Variants in CTPS1 observed in about 807,000 individuals in gnomAD.
CTPS1 encodes CTP synthase 1.
In CTPS1, 25 loss-of-function variants were observed where a neutral mutation model predicts 80.5. The observed-to-expected ratio is 0.31, with a 90% confidence interval of 0.23 to 0.43. The LOEUF (loss-of-function observed/expected upper bound fraction) is 0.43. Ranked by LOEUF, CTPS1 falls within the 20% of genes least tolerant of loss-of-function variation. CTPS1 has a pLI of 1.00. For missense variants in CTPS1, 442 were observed against 725.7 expected, an observed-to-expected ratio of 0.61 and a Z score of 4.49; for synonymous variants, 267 against 252.5, an observed-to-expected ratio of 1.06 and a Z score of -0.54.
rs748131892 is a variant in CTPS1 at position 40,984,895 on chromosome 1, C to G, written c.241C>G (p.Arg81Gly). ...TAACTATGAGCGGTTCCTTGACATC[C>G]GCCTCACCAAGGACAATAATCTGAC... ...LGNYERFLDI[R>G]LTKDNNLTTG... Residue 81 changes from arginine (R) to glycine (G), a missense_variant, in exon 3 of 19, where the codon CGC becomes GGC. By Grantham distance (125) the Arg-to-Gly change is moderately radical. This residue lies in a region of CTPS1 where 69 missense variants were observed against 102.1 expected (regional missense o/e 0.68). Coordinates refer to ENST00000650070, the MANE Select transcript of CTPS1 (RefSeq NM_001905.4). 2 of 1,605,170 alleles carry G rather than the reference C, an allele frequency of 1.2e-6. No homozygotes were observed. Among genetic ancestry groups the G allele is most frequent in the Non-Finnish European group, 8.5e-7 (1 of 1,174,572 alleles).
chr1:40,998,134 C>T (rs758605398), intron 9 of CTPS1, among the ~76,000 whole-genome samples: 15 of 152,150 alleles, frequency 9.9e-5, no homozygotes, highest in South Asian at 2.1e-4. Flanking sequence ...CGCGTTGGCT[C>T]ATGCCTGTAA....
intron 7 of CTPS1, 90 bp downstream of exon 7, chr1:40,991,935 C>G: frequency 1.0e-6 from 1 of 990,636 alleles, no homozygotes; most frequent in Non-Finnish European, 1.6e-6. Context: ...TTGTTATTTT[C>G]TAATTAGAGA....
chr1:40,987,558 C>T (rs1642487086), intron 4 of CTPS1, 86 bp downstream of exon 4: 3 of 973,318 alleles, frequency 3.1e-6, no homozygotes, highest in East Asian at 5.1e-5. Flanking sequence ...CCCAGTGGAG[C>T]CCTTGGCCTT....
In CTPS1 at chr1:40,984,921, C is replaced by T. The variant is rs747349849; in HGVS notation, c.267C>T (p.Thr89=). 2.5e-6 allele frequency: 4 copies of T among 1,606,852 alleles called. No individual in the cohort carries two copies. The African/African-American group carries it at 5.3e-5, about 21-fold the overall frequency. The change falls in exon 3 of 19, where the codon ACC becomes ACT. Residue 89 remains threonine, a synonymous_variant. Transcript: ENST00000650070. ...DIRLTKDNNL[T]TGKIYQYVIN... ...GCCTCACCAAGGACAATAATCTGAC[C>T]ACTGGAAAGATATACCAGTATGTCA...
At chr1:40,997,708 C>T (rs1398841362) in intron 9 of CTPS1, among the ~76,000 whole-genome samples, 182 bp downstream of exon 9, 1 of 152,280 alleles carries the variant, frequency 6.6e-6, no homozygotes, top group East Asian at 1.9e-4. Flanking sequence ...AGAGCATTTT[C>T]AGGAATTAAT....
At chr1:41,003,415 C>T (rs1191424372) in intron 12 of CTPS1, among the ~76,000 whole-genome samples, 1 of 152,144 alleles carries the variant, frequency 6.6e-6, no homozygotes, top group Non-Finnish European at 1.5e-5. Context: ...TGTTCCTGTT[C>T]TTGAGATTCT....
chr1:41,006,374 C>T (rs1643034998), intron 13 of CTPS1, among the ~76,000 whole-genome samples: 1 of 152,168 alleles, frequency 6.6e-6, no homozygotes, highest in African/African-American at 2.4e-5. Context: ...TCCCTACTCC[C>T]CTCAACTCCC....
chr1:40,998,102 G>C (rs1344535389), intron 9 of CTPS1, among the ~76,000 whole-genome samples: 2 of 152,164 alleles, frequency 1.3e-5, no homozygotes, highest in Non-Finnish European at 2.9e-5. Flanking sequence ...TCATGGTTAA[G>C]AGCATGGATG....
intron 17 of CTPS1, 129 bp from the exon 18 acceptor site, chr1:41,010,032 G>T (rs1643129874): frequency 1.6e-6 from 1 of 622,762 alleles, no homozygotes; most frequent in Admixed American, 2.9e-5. Flanking sequence ...AATATATTAT[G>T]TAGCAAACAG....
At chr1:41,010,998 T>G (rs1331292155) in intron 18 of CTPS1, among the ~76,000 whole-genome samples, 1 of 152,060 alleles carries the variant, frequency 6.6e-6, no homozygotes, top group Non-Finnish European at 1.5e-5. Flanking sequence ...GGGGTATGGG[T>G]GTGTGGTTCC....
chr1:40,997,014 A>T (rs548945443), intron 8 of CTPS1: 86 of 155,768 alleles, frequency 5.5e-4, no homozygotes, highest in East Asian at 2.4e-3. Context: ...CAAAAAAAAA[A>T]TTTTTCTTTA....
At chr1:40,984,402 G>A (rs762743841) in intron 2 of CTPS1, among the ~76,000 whole-genome samples, 4 of 152,194 alleles carry the variant, frequency 2.6e-5, no homozygotes, top group Non-Finnish European at 5.9e-5. Context: ...ATCAGCACAA[G>A]CTTAATATGC....
chr1:41,006,878 A>G (rs1344432511), intron 13 of CTPS1, among the ~76,000 whole-genome samples: 1 of 152,186 alleles, frequency 6.6e-6, no homozygotes, highest in Non-Finnish European at 1.5e-5. Context: ...TGCTGATACT[A>G]AGGCCTCAGG....
chr1:40,983,310 C>T lies in CTPS1; in HGVS notation c.20C>T (p.Thr7Ile). MKYILV[T>I]GGVISGIGKG... is the part of the protein sequence containing the mutation. ...AGTAAAATGAAGTACATTCTGGTTA[C>T]TGGTGGTGTTATATCAGGAATTGGA... The change falls in exon 2 of 19, where the codon ACT becomes ATT. Residue 7 changes from threonine (T) to isoleucine (I), a missense_variant. By Grantham distance (89) the Thr-to-Ile change is moderately conservative. Around this residue, in one of 4 missense-constraint regions of CTPS1, gnomAD observed 25 missense variants for 72.7 expected, o/e 0.34. Coordinates refer to ENST00000650070, the MANE Select transcript of CTPS1 (RefSeq NM_001905.4). 1.9e-6 allele frequency: 3 copies of T among 1,613,812 alleles called. No homozygotes were observed. The highest frequency in any genetic ancestry group is 2.5e-6 in the Non-Finnish European group (3 of 1,179,808).
At chr1:40,996,174 A>C in intron 8 of CTPS1, 106 bp downstream of exon 8, 1 of 1,231,394 alleles carries the variant, frequency 8.1e-7, no homozygotes, top group Non-Finnish European at 1.2e-6. Context: ...CACTTCTGCC[A>C]TCCACTCATT....
At chr1:40,997,358 T>A in intron 8 of CTPS1, 36 bp from the exon 9 acceptor site, 1 of 1,603,842 alleles carries the variant, frequency 6.2e-7, no homozygotes, top group South Asian at 1.1e-5. Context: ...GTGTACCTTC[T>A]GAGTAATTGG....
Position 40,984,875 on chromosome 1 carries a change from A to G in CTPS1, c.221A>G (p.Tyr74Cys), listed in dbSNP as rs751260098. Reference protein sequence around the residue: ...GGEVDLDLGNYERFLDIRLTK... With the variant: ...GGEVDLDLGNCERFLDIRLTK... ...GAAGTAGACCTTGACCTGGGTAACT[A>G]TGAGCGGTTCCTTGACATCCGCCTC... is the stretch of plus-strand genomic sequence containing the variant. Residue 74 changes from tyrosine to cysteine, a missense_variant, in exon 3 of 19, where the codon TAT becomes TGT. Tyr to Cys is a radical substitution (Grantham distance 194). Around this residue, in one of 4 missense-constraint regions of CTPS1, gnomAD observed 69 missense variants for 102.1 expected, o/e 0.68. Transcript: ENST00000650070. 4 of 1,602,680 alleles carry G rather than the reference A, an allele frequency of 2.5e-6. No individual in the cohort carries two copies. The highest frequency in any genetic ancestry group is 1.7e-5 in the Admixed American group (1 of 59,042).
intron 10 of CTPS1, 25 bp from the exon 11 acceptor site, chr1:41,002,135 C>T: frequency 6.2e-7 from 1 of 1,609,386 alleles, no homozygotes; most frequent in South Asian, 1.1e-5. Flanking sequence ...GGGGAATTGC[C>T]TTTGTGGTTT....
intron 11 of CTPS1, 141 bp downstream of exon 11, chr1:41,002,395 G>T (rs1306584785): frequency 1.5e-6 from 1 of 672,520 alleles, no homozygotes; most frequent in East Asian, 2.7e-5. Flanking sequence ...AAGCCTTCAT[G>T]TTTTCTCTTT....
Sources: allele counts gnomAD v4.1 joint callset (sites outside exome capture counted in the v4.1 genomes callset), GRCh38; gene constraint gnomAD v4.1.1; regional missense constraint gnomAD v4.1.1; transcripts MANE v1.5; gene names NCBI Gene and HGNC (gene_info 2026-07-23, HGNC 2026-07-21).